Variants in SLC1A1 observed in about 807,000 individuals in gnomAD.
The protein encoded by SLC1A1 is solute carrier family 1 member 1.
SLC1A1 carries 43 observed loss-of-function variants against 53.3 expected under a neutral mutation model. That is an observed-to-expected ratio of 0.81 (90% CI 0.63 to 1.04). SLC1A1 has a LOEUF of 1.04. Among genes scored for constraint, SLC1A1 ranks in the 50% least tolerant of loss-of-function variants. SLC1A1 has a pLI of 0.00. For synonymous variants in SLC1A1, 307 were observed against 243.2 expected (o/e 1.26, Z -2.44); for missense variants, 748 against 664.9 (o/e 1.12, Z -1.37).
Position 4,566,186 on chromosome 9 carries a change from C to T in SLC1A1, c.483+97C>T, listed in dbSNP as rs1419508308. 10 of 1,102,184 alleles carry T rather than the reference C, an allele frequency of 9.1e-6. No individual in the cohort carries two copies. The South Asian group carries it at 1.2e-4, about 14-fold the overall frequency. 68.3% of individuals were successfully genotyped at this position (1,102,184 alleles called of 1,614,324 possible). ...TGTGACTCAAGAAATGGAATTAGCC[C>T]CGTGAAAATGGCAGCAGGAAGTAAA... On this transcript the variant is annotated intron_variant, in intron 5 of 11. Coordinates refer to ENST00000262352, the MANE Select transcript of SLC1A1 (RefSeq NM_004170.6).
chr9:4,502,184 C>T (rs1398103634), intron 1 of SLC1A1, among the ~76,000 whole-genome samples: 1 of 151,006 alleles, frequency 6.6e-6, no homozygotes, highest in African/African-American at 2.5e-5. Flanking sequence ...CCCAGGAGTC[C>T]AAGACCAGCC....
chr9:4,571,267 A>G (rs1478382245), intron 6 of SLC1A1, among the ~76,000 whole-genome samples: 2 of 152,204 alleles, frequency 1.3e-5, no homozygotes, highest in Non-Finnish European at 2.9e-5. Flanking sequence ...GGATCAGGAA[A>G]AATAATTAAT....
intron 1 of SLC1A1, among the ~76,000 whole-genome samples, chr9:4,531,351 C>T (rs1170132719): frequency 1.3e-5 from 2 of 152,168 alleles, no homozygotes; most frequent in African/African-American, 2.4e-5. Flanking sequence ...TCGGGTCACT[C>T]CCACCCTAAT....
chr9:4,520,672 G>A (rs1222140310), intron 1 of SLC1A1, among the ~76,000 whole-genome samples: 1 of 152,140 alleles, frequency 6.6e-6, no homozygotes, highest in Non-Finnish European at 1.5e-5. Flanking sequence ...TAATAAATTG[G>A]GCACTTAGAT....
chr9:4,491,916 C>G (rs1403783801), intron 1 of SLC1A1, among the ~76,000 whole-genome samples: 1 of 152,210 alleles, frequency 6.6e-6, no homozygotes, highest in Non-Finnish European at 1.5e-5. Context: ...CTCCTCCGAA[C>G]CGCCCCCTCC....
At chr9:4,493,345 G>C (rs1036876252) in intron 1 of SLC1A1, among the ~76,000 whole-genome samples, 23 of 152,298 alleles carry the variant, frequency 1.5e-4, no homozygotes, top group African/African-American at 5.1e-4. Flanking sequence ...TGTTTGTGTA[G>C]TCTGTAAGGG....
At chr9:4,560,185 A>T (rs918460496) in intron 2 of SLC1A1, 3 of 152,252 alleles carry the variant, frequency 2.0e-5, no homozygotes, top group African/African-American at 7.2e-5. Flanking sequence ...ATACACAATA[A>T]GGTTGTTTAC....
At chr9:4,527,030 G>C (rs1425214663) in intron 1 of SLC1A1, among the ~76,000 whole-genome samples, 1 of 152,112 alleles carries the variant, frequency 6.6e-6, no homozygotes, top group Non-Finnish European at 1.5e-5. Context: ...TAATAAAGTG[G>C]AAGCCCTTAA....
At chr9:4,502,920 G>C (rs1481182174) in intron 1 of SLC1A1, among the ~76,000 whole-genome samples, 1 of 151,588 alleles carries the variant, frequency 6.6e-6, no homozygotes, top group Non-Finnish European at 1.5e-5. Flanking sequence ...TAAACCTTCT[G>C]TTTGAGCTTG....
chr9:4,558,216 T>C (rs144618780), intron 2 of SLC1A1, among the ~76,000 whole-genome samples: 246 of 152,308 alleles, frequency 1.6e-3, no homozygotes, highest in African/African-American at 5.3e-3. Flanking sequence ...TCTCCCTCTA[T>C]GGTGGTCACC....
chr9:4,496,365 C>T (rs1004872462), intron 1 of SLC1A1, among the ~76,000 whole-genome samples: 3 of 151,872 alleles, frequency 2.0e-5, no homozygotes, highest in Non-Finnish European at 4.4e-5. Flanking sequence ...GTGGAAGTCA[C>T]GTTTAAGATC....
intron 3 of SLC1A1, among the ~76,000 whole-genome samples, chr9:4,563,216 C>T (rs138049043): frequency 2.4e-4 from 37 of 151,116 alleles, no homozygotes; most frequent in African/African-American, 3.6e-4. Flanking sequence ...GGCAGCAGCT[C>T]GGCCCTTGTA....
rs1820345331 is a variant in SLC1A1 at position 4,494,492 on chromosome 9, T to G, written c.91+3722T>G. ...GTCCTGCTTAGTGTCCCGCCTATAA[T>G]TTAGGGTGACTCAAGTGTTTTGATG... On this transcript the variant is annotated intron_variant, in intron 1 of 11. Coordinates refer to ENST00000262352, the MANE Select transcript of SLC1A1 (RefSeq NM_004170.6). Among the ~76,000 whole-genome samples, 3 of 152,138 alleles carry G rather than the reference T, an allele frequency of 2.0e-5. No individual in the cohort carries two copies. In the South Asian group the frequency reaches 6.2e-4, roughly 32 times the overall value.
chr9:4,579,932 T>A (rs542395738), intron 10 of SLC1A1, among the ~76,000 whole-genome samples: 2 of 152,126 alleles, frequency 1.3e-5, no homozygotes, highest in South Asian at 2.1e-4. Flanking sequence ...CTTATAAAAA[T>A]AATTAGGGCC....
At chr9:4,524,142 G>A (rs1816180783) in intron 1 of SLC1A1, among the ~76,000 whole-genome samples, 1 of 152,132 alleles carries the variant, frequency 6.6e-6, no homozygotes, top group Non-Finnish European at 1.5e-5. Context: ...TGCATACATG[G>A]GAATACTTGG....
chr9:4,581,395 G>A (rs894423068), intron 10 of SLC1A1, among the ~76,000 whole-genome samples: 21 of 152,238 alleles, frequency 1.4e-4, no homozygotes, highest in African/African-American at 7.2e-5. Context: ...TCTCCCATCT[G>A]AAGGTTCATA....
chr9:4,530,905 C>A (rs188060423), intron 1 of SLC1A1, among the ~76,000 whole-genome samples: 1 of 152,282 alleles, frequency 6.6e-6, no homozygotes. Flanking sequence ...TAATATGAAC[C>A]TTTGCTTGAC....
rs1820204410 is a variant in SLC1A1, at chr9:4,490,768, T to TA, written c.90dup (p.Gly31ArgfsTer96). On this transcript the variant is annotated frameshift_variant and splice_region_variant, in exon 1 of 12. Coordinates refer to ENST00000262352, the MANE Select transcript of SLC1A1 (RefSeq NM_004170.6). LOFTEE classifies it high-confidence loss of function. Reference sequence around the variant, plus strand: ...CTGTCCACCGTGGCCGCGGTGGTGCTAGGTGAGCGGCGCGGCGGGTGGGCG... The same window carrying TA: ...CTGTCCACCGTGGCCGCGGTGGTGCTAAGGTGAGCGGCGCGGCGGGTGGGCG... The TA allele has an allele frequency of 6.2e-7, 1 of 1,610,854 alleles. No homozygotes were observed.
At chr9:4,495,166 C>G (rs550774376) in intron 1 of SLC1A1, among the ~76,000 whole-genome samples, 2 of 152,312 alleles carry the variant, frequency 1.3e-5, no homozygotes, top group East Asian at 3.9e-4. Context: ...GGCTTTCCCG[C>G]TTTGTCTGTG....
Sources: gnomAD v4.1 joint callset for allele counts (sites outside exome capture counted in the v4.1 genomes callset) on GRCh38, gnomAD v4.1.1 for gene constraint, MANE v1.5 for transcripts, NCBI Gene and HGNC (gene_info 2026-07-23, HGNC 2026-07-21) for gene names.